The following ATP8A2 variants were observed in gnomAD, a reference collection of about 807,000 sequenced individuals.
The protein encoded by ATP8A2 is phospholipid-transporting ATPase IB.
A neutral mutation model predicts 165.6 loss-of-function variants in ATP8A2; 100 were observed. The observed-to-expected ratio is 0.60, with a 90% CI of 0.51 to 0.71. The LOEUF (loss-of-function observed/expected upper bound fraction) is 0.71, where lower values mean the gene tolerates loss of function less well. Ranked by LOEUF, ATP8A2 falls within the 30% of genes least tolerant of loss-of-function variation. The probability of loss-of-function intolerance (pLI) is 0.00; values close to 1 mark genes in which losing one functional copy is unlikely to be tolerated. For synonymous variants in ATP8A2, 543 were observed against 548.8 expected (o/e 0.99, Z 0.15); for missense variants, 1,227 against 1,479.5 (o/e 0.83, Z 2.80).
At chr13:25,665,509 C>T (rs1020469419) in intron 24 of ATP8A2, among the ~76,000 whole-genome samples, 3 of 151,868 alleles carry the variant, frequency 2.0e-5, no homozygotes, top group Non-Finnish European at 4.4e-5. Context: ...TAGGGGCATA[C>T]TTTCAATCCC....
intron 33 of ATP8A2, among the ~76,000 whole-genome samples, chr13:25,875,499 CACAA>C (rs1952798674): frequency 6.6e-6 from 1 of 151,806 alleles, no homozygotes; most frequent in African/African-American, 2.4e-5. Flanking sequence ...GCTGCATTAA[CACAA>C]ACAGATGCCA....
chr13:25,934,225 T>C (rs560499346), intron 33 of ATP8A2, among the ~76,000 whole-genome samples: 1 of 152,226 alleles, frequency 6.6e-6, no homozygotes, highest in Non-Finnish European at 1.5e-5. Context: ...ATTTCTAGTA[T>C]GTACGGGTAG....
chr13:25,459,827 G>A (rs997147723), intron 1 of ATP8A2, among the ~76,000 whole-genome samples: 7 of 152,206 alleles, frequency 4.6e-5, no homozygotes, highest in Non-Finnish European at 8.8e-5. Flanking sequence ...GGTCACTGAT[G>A]TCACTGGGGA....
chr13:25,724,775 T>C (rs2138052187), intron 25 of ATP8A2, among the ~76,000 whole-genome samples: 1 of 152,288 alleles, frequency 6.6e-6, no homozygotes. Context: ...GGTATCTGTT[T>C]TTATGATGTC....
intron 24 of ATP8A2, among the ~76,000 whole-genome samples, chr13:25,670,395 G>A (rs1646846637): frequency 1.3e-5 from 2 of 152,162 alleles, no homozygotes; most frequent in African/African-American, 4.8e-5. Flanking sequence ...AGCCCTGGGA[G>A]CTGGATGGAG....
At chr13:25,483,963 G>C (rs1343397277) in intron 2 of ATP8A2, among the ~76,000 whole-genome samples, 1 of 152,220 alleles carries the variant, frequency 6.6e-6, no homozygotes, top group Admixed American at 6.5e-5. Flanking sequence ...CTGCCCAAGA[G>C]TTACACATTG....
At position 25,578,863 on chromosome 13, in the gene ATP8A2, G is replaced by A; in HGVS notation, c.1831G>A (p.Glu611Lys). The change falls in exon 21 of 37, where the codon GAA (glutamate) becomes AAA (lysine). Residue 611 changes from glutamate to lysine, a missense_variant. This residue lies in a region of ATP8A2 where 592 missense variants were observed against 785.6 expected (regional missense o/e 0.75). Coordinates refer to ENST00000381655, the MANE Select transcript of ATP8A2 (RefSeq NM_016529.6). ...RLSKDSKYMEETLCHLEYFAT... is the reference protein window; with the variant it reads ...RLSKDSKYMEKTLCHLEYFAT... Reference sequence around the variant, plus strand: ...TTCAAAAGACTCAAAATATATGGAGGAAACATTATGCCATCTGGAATACTT... The same window carrying A: ...TTCAAAAGACTCAAAATATATGGAGAAAACATTATGCCATCTGGAATACTT... The A allele has an allele frequency of 6.2e-7, 1 of 1,611,576 alleles. No individual in the cohort carries two copies. Among genetic ancestry groups the A allele is most frequent in the South Asian group, 1.1e-5 (1 of 91,006 alleles).
chr13:25,548,141 G>A (rs1462481213), intron 10 of ATP8A2, among the ~76,000 whole-genome samples: 2 of 152,200 alleles, frequency 1.3e-5, no homozygotes, highest in African/African-American at 2.4e-5. Context: ...CAGAAGAATC[G>A]CTTGAACCTG....
chr13:25,384,191 G>A (rs2032956374), intron 1 of ATP8A2, among the ~76,000 whole-genome samples: 2 of 152,128 alleles, frequency 1.3e-5, no homozygotes, highest in South Asian at 4.1e-4. Flanking sequence ...ACATCAGTCT[G>A]GTTCTTGTTC....
At chr13:25,977,031 C>CCCCACCCCCACCCCCACA (rs1956061008) in intron 35 of ATP8A2, among the ~76,000 whole-genome samples, 1 of 134,016 alleles carries the variant, frequency 7.5e-6, no homozygotes, top group Non-Finnish European at 1.6e-5. Context: ...TGTGATCCAC[C>CCCCACCCCCACCCCCACA]CCCACCCCCA....
intron 24 of ATP8A2, among the ~76,000 whole-genome samples, chr13:25,650,812 A>C (rs749028216): frequency 6.6e-6 from 1 of 152,206 alleles, no homozygotes; most frequent in African/African-American, 2.4e-5. Flanking sequence ...TCCCAATGTT[A>C]AACCAATCTA....
chr13:25,398,112 G>A (rs984577979), intron 1 of ATP8A2, among the ~76,000 whole-genome samples: 2 of 152,186 alleles, frequency 1.3e-5, no homozygotes, highest in African/African-American at 4.8e-5. Context: ...ACCTGGAAAT[G>A]GAAGGAGATT....
chr13:25,727,637 G>C (rs961216186), intron 25 of ATP8A2, among the ~76,000 whole-genome samples: 1 of 152,070 alleles, frequency 6.6e-6, no homozygotes, highest in Non-Finnish European at 1.5e-5. Context: ...ACTATAAAAT[G>C]TCCTCTAGCA....
chr13:25,898,889 T>C lies in ATP8A2; in HGVS notation c.3183+36481T>C, dbSNP rs1423306250. Among the ~76,000 whole-genome samples, 4 of 152,298 alleles carry C rather than the reference T, an allele frequency of 2.6e-5. No individual in the cohort carries two copies. In the East Asian group the frequency reaches 7.7e-4, roughly 29 times the overall value. The stretch of plus-strand genomic sequence containing the variant: ...TGAAGCCCGTTGGAAAAGCGCAGTA[T>C]TAGGGTGGGAGTGACCCGATTTTCC... On this transcript the variant is annotated intron_variant, in intron 33 of 36. Transcript: ENST00000381655.
chr13:25,406,145 G>C (rs1322949558), intron 1 of ATP8A2, among the ~76,000 whole-genome samples: 1 of 152,206 alleles, frequency 6.6e-6, no homozygotes, highest in East Asian at 1.9e-4. Context: ...CAGAGACGCT[G>C]AAGAAAGAGG....
chr13:25,533,050 T>A (rs1047569439), intron 5 of ATP8A2, among the ~76,000 whole-genome samples: 1 of 152,094 alleles, frequency 6.6e-6, no homozygotes, highest in African/African-American at 2.4e-5. Context: ...CATACATACA[T>A]AAACATTTAT....
chr13:25,435,939 G>GTATT (rs1198286062), intron 1 of ATP8A2, among the ~76,000 whole-genome samples: 1 of 92,544 alleles, frequency 1.1e-5, no homozygotes, highest in African/African-American at 3.3e-5. Context: ...GTGAGTGTGT[G>GTATT]TGTGTGTGTG....
chr13:25,380,994 T>C (rs1442508956), intron 1 of ATP8A2, among the ~76,000 whole-genome samples: 1 of 152,180 alleles, frequency 6.6e-6, no homozygotes. Flanking sequence ...CTCTAAGATA[T>C]CCACCTTCAG....
chr13:26,015,800 G>A (rs966628390), intron 36 of ATP8A2, among the ~76,000 whole-genome samples: 2 of 152,200 alleles, frequency 1.3e-5, no homozygotes, highest in Non-Finnish European at 2.9e-5. Context: ...CTCCCTCCAG[G>A]CCCCCATCAG....
Sources: gnomAD v4.1 joint callset for allele counts (sites outside exome capture counted in the v4.1 genomes callset) on GRCh38, gnomAD v4.1.1 for gene constraint, gnomAD v4.1.1 regional missense constraint, MANE v1.5 for transcripts, NCBI Gene and HGNC (gene_info 2026-07-23, HGNC 2026-07-21) for gene names.